ZRSR2: variants seen among roughly 807,000 people sequenced by gnomAD.
The protein encoded by ZRSR2 is U2 small nuclear ribonucleoprotein auxiliary factor 35 kDa subunit-related protein 2.
Under a neutral mutation model 39.4 loss-of-function variants are expected in ZRSR2, and 3 were observed. The ratio of observed to expected loss-of-function variants is 0.08; its 90% CI spans 0.03 to 0.20. ZRSR2 has a LOEUF of 0.20. Among genes scored for constraint, ZRSR2 ranks in the 10% least tolerant of loss-of-function variants. ZRSR2 has a pLI of 1.00. For missense variants in ZRSR2, 256 were observed against 391.5 expected (o/e 0.65, Z 2.92); for synonymous variants, 137 against 136.0 (o/e 1.01, Z -0.05).
chrX:15,820,421 T>C, intron 10 of ZRSR2, 105 bp downstream of exon 10: 1 of 737,096 alleles, frequency 1.4e-6, no homozygotes, highest in Non-Finnish European at 2.1e-6. Context: ...GCATAGCTTT[T>C]TGCCTCACAC....
At chrX:15,796,166 T>A (rs950341288) in intron 2 of ZRSR2, among the ~76,000 whole-genome samples, 1 of 110,842 alleles carries the variant, frequency 9.0e-6, no homozygotes, top group African/African-American at 3.3e-5. Context: ...GTAGTTGGGA[T>A]TACAGACACG....
chrX:15,799,056 C>T (rs1424212796), intron 2 of ZRSR2, among the ~76,000 whole-genome samples: 6 of 109,637 alleles, frequency 5.5e-5, no homozygotes, highest in Non-Finnish European at 7.6e-5. Context: ...CATGGTGGCG[C>T]GCGCCTGTAG....
intron 7 of ZRSR2, among the ~76,000 whole-genome samples, chrX:15,811,069 T>A (rs1384978079): frequency 9.1e-6 from 1 of 109,757 alleles, no homozygotes; most frequent in Non-Finnish European, 1.9e-5. Context: ...CTGGAATGTC[T>A]GTGAAAAGAG....
chrX:15,795,700 C>A (rs1296503772), intron 2 of ZRSR2, among the ~76,000 whole-genome samples: 3 of 111,787 alleles, frequency 2.7e-5, no homozygotes, highest in African/African-American at 9.8e-5. Flanking sequence ...GATCATAAAC[C>A]CCACTACGTT....
chrX:15,815,570 G>T lies in ZRSR2; in HGVS notation c.558-107G>T, dbSNP rs750256700. The T allele has an allele frequency of 9.0e-6, 6 of 667,879 alleles. No individual in the cohort carries two copies. The East Asian group carries it at 1.7e-4, about 19-fold the overall frequency. The allele number at this position is 667,879 out of a possible 1,213,427, so 55.0% of individuals were successfully genotyped here. A position where few individuals can be genotyped will look rare whatever the true frequency, so the allele number is the denominator to read the frequency against. ...GATTCACCCGCCTCGGCCTCCCAAAGTGTTGGGATTACAGGCGTGAGCCAC... is the reference window on the plus strand; with the variant it reads ...GATTCACCCGCCTCGGCCTCCCAAATTGTTGGGATTACAGGCGTGAGCCAC... On this transcript the variant is annotated intron_variant, in intron 7 of 10. Transcript: ENST00000307771.
chrX:15,806,566 A>G (rs888720883), intron 5 of ZRSR2, among the ~76,000 whole-genome samples: 5 of 110,394 alleles, frequency 4.5e-5, no homozygotes, highest in African/African-American at 1.7e-4. Context: ...AGCTGGGATT[A>G]CAGGTGCCTG....
chrX:15,823,093 A>AGCCGGG lies in ZRSR2; in HGVS notation c.1309_1314dup (p.Arg437_Gly438dup), dbSNP rs772857139. 9 of 1,205,654 alleles carry AGCCGGG rather than the reference A, an allele frequency of 7.5e-6. No homozygotes were observed. Among genetic ancestry groups the AGCCGGG allele is most frequent in the African/African-American group, 1.8e-5 (1 of 56,636 alleles). ...AAATAGGGACCGCAGCAGGGACCGC[A>AGCCGGG]GCCGGGGCCGGGGCAGCCGGAGCCG... On this transcript the variant is annotated inframe_insertion, in exon 11 of 11. Transcript: ENST00000307771.
chrX:15,803,215 A>G (rs1932727595), intron 3 of ZRSR2, among the ~76,000 whole-genome samples: 1 of 110,864 alleles, frequency 9.0e-6, no homozygotes, highest in South Asian at 3.8e-4. Context: ...GTGAGCCAAG[A>G]TCATGCCACT....
intron 5 of ZRSR2, among the ~76,000 whole-genome samples, chrX:15,806,559 TG>T (rs954483650): frequency 1.8e-5 from 2 of 110,495 alleles, no homozygotes; most frequent in Admixed American, 9.7e-5. Context: ...CCCGAGTAGC[TG>T]GGATTACAGG....
intron 9 of ZRSR2, among the ~76,000 whole-genome samples, chrX:15,818,922 C>T (rs974436632): frequency 1.9e-5 from 2 of 107,767 alleles, no homozygotes; most frequent in Non-Finnish European, 3.8e-5. Context: ...AGGTGCCTGC[C>T]ACCATGCCCA....
At chrX:15,804,804 T>C (rs1473391278) in intron 5 of ZRSR2, among the ~76,000 whole-genome samples, 1 of 111,451 alleles carries the variant, frequency 9.0e-6, no homozygotes, top group Non-Finnish European at 1.9e-5. Flanking sequence ...GTTTTTGTTA[T>C]TTGTATTAAA....
intron 1 of ZRSR2, 140 bp downstream of exon 1, chrX:15,790,676 G>C: frequency 1.1e-6 from 1 of 888,485 alleles, no homozygotes. Context: ...GCGCGCTCTG[G>C]TGCCCTCCCC....
In ZRSR2 at chrX:15,790,915, A is replaced by G. The variant is rs1307703571; in HGVS notation, c.42-19A>G. 5.0e-6 allele frequency: 6 copies of G among 1,198,684 alleles called. No individual in the cohort carries two copies. The East Asian group carries it at 8.9e-5, about 18-fold the overall frequency. On this transcript the variant is annotated intron_variant, in intron 1 of 10. Coordinates refer to ENST00000307771, the MANE Select transcript of ZRSR2 (RefSeq NM_005089.4). ...GCATTGTAGCCGCTGATCGTCGTGT[A>G]TATGTCTTAATCTTCCAGCCACAAA...
intron 7 of ZRSR2, among the ~76,000 whole-genome samples, chrX:15,812,054 C>T (rs1042864695): frequency 3.6e-5 from 4 of 111,080 alleles, no homozygotes; most frequent in African/African-American, 1.3e-4. Flanking sequence ...CTCAGCCTCC[C>T]GAGTAGCTGG....
intron 2 of ZRSR2, 37 bp downstream of exon 2, chrX:15,791,050 A>G: frequency 8.7e-7 from 1 of 1,147,165 alleles, no homozygotes; most frequent in Non-Finnish European, 1.2e-6. Context: ...GTGTTGTGAA[A>G]TTGCTCTGTC....
At chrX:15,791,653 CTTTTTTTT>C (rs144343422) in intron 2 of ZRSR2, among the ~76,000 whole-genome samples, 2 of 60,871 alleles carry the variant, frequency 3.3e-5, no homozygotes, top group East Asian at 7.8e-4. Context: ...CTTTTCTTTT[CTTTTTTTT>C]TTTTTTTTTT....
At chrX:15,797,885 T>G (rs760055499) in intron 2 of ZRSR2, among the ~76,000 whole-genome samples, 63 of 111,741 alleles carry the variant, frequency 5.6e-4, no homozygotes, top group African/African-American at 1.9e-3. Context: ...GATGGGGAGT[T>G]GAGTGAGTCA....
chrX:15,822,244 C>T (rs1177509626), intron 10 of ZRSR2, among the ~76,000 whole-genome samples: 1 of 111,932 alleles, frequency 8.9e-6, no homozygotes, highest in East Asian at 2.8e-4. Context: ...CCCGCCTCAG[C>T]CTCCCAAAGT....
At chrX:15,814,955 C>G (rs1932941469) in intron 7 of ZRSR2, among the ~76,000 whole-genome samples, 1 of 112,050 alleles carries the variant, frequency 8.9e-6, no homozygotes, top group Non-Finnish European at 1.9e-5. Context: ...TTGTACAGAA[C>G]CAGGATTGCA....
Sources: gnomAD v4.1 joint callset for allele counts (sites outside exome capture counted in the v4.1 genomes callset) on GRCh38, gnomAD v4.1.1 for gene constraint, MANE v1.5 for transcripts, NCBI Gene and HGNC (gene_info 2026-07-23, HGNC 2026-07-21) for gene names.